Variants in THAP4 observed in about 807,000 individuals in gnomAD.
The protein encoded by THAP4 is THAP domain containing 4.
In THAP4, 18 loss-of-function variants were observed where a neutral mutation model predicts 48.1. That is an observed-to-expected ratio of 0.37 (90% CI 0.26 to 0.56). The LOEUF is 0.56. Ranked by LOEUF, THAP4 falls within the 20% of genes least tolerant of loss-of-function variation. THAP4 has a pLI of 0.78. For synonymous variants in THAP4, 345 were observed against 324.9 expected (o/e 1.06, Z -0.66); for missense variants, 656 against 774.9 (o/e 0.85, Z 1.82).
intron 2 of THAP4, among the ~76,000 whole-genome samples, chr2:241,628,925 CAAAAAAAAAA>C: frequency 1.6e-5 from 1 of 64,340 alleles, no homozygotes; most frequent in African/African-American, 6.1e-5. Flanking sequence ...GAGATTGTCT[CAAAAAAAAAA>C]AAAAAAAAAA....
intron 2 of THAP4, among the ~76,000 whole-genome samples, chr2:241,619,703 CGGTGAGTGAAG>C (rs1423451001): frequency 1.4e-5 from 2 of 141,828 alleles, no homozygotes; most frequent in African/African-American, 5.3e-5. Context: ...GTGAGTGAGT[CGGTGAGTGAAG>C]GGTGAGTGAG....
At chr2:241,603,405 C>T (rs1479732333) in intron 3 of THAP4, among the ~76,000 whole-genome samples, 1 of 138,212 alleles carries the variant, frequency 7.2e-6, no homozygotes. Flanking sequence ...CACACCTGCC[C>T]GCCCCCTCCA....
chr2:241,593,033 A>G (rs1251369294), intron 5 of THAP4, among the ~76,000 whole-genome samples: 13 of 152,164 alleles, frequency 8.5e-5, no homozygotes, highest in Non-Finnish European at 5.9e-5. Flanking sequence ...ACTTGAGGCC[A>G]TGAGTTTGAG....
chr2:241,595,967 C>T (rs2067041675), intron 5 of THAP4, among the ~76,000 whole-genome samples: 1 of 152,196 alleles, frequency 6.6e-6, no homozygotes, highest in South Asian at 2.1e-4. Flanking sequence ...TGGAGCGCGT[C>T]CCGTGGGCTG....
At chr2:241,594,501 T>A (rs2067024863) in intron 5 of THAP4, 2 of 239,770 alleles carry the variant, frequency 8.3e-6, no homozygotes, top group South Asian at 1.0e-4. Flanking sequence ...CAGGTGGGTA[T>A]ACTGCTTGAG....
At chr2:241,614,653 A>C (rs1230944259) in intron 2 of THAP4, among the ~76,000 whole-genome samples, 1 of 152,164 alleles carries the variant, frequency 6.6e-6, no homozygotes, top group Non-Finnish European at 1.5e-5. Flanking sequence ...TGGGAGGCTG[A>C]AGTGGGTGGA....
At chr2:241,588,127 A>G (rs937111969) in intron 5 of THAP4, among the ~76,000 whole-genome samples, 7 of 152,220 alleles carry the variant, frequency 4.6e-5, no homozygotes, top group African/African-American at 1.4e-4. Context: ...ATACGAGATC[A>G]ATATACAACA....
chr2:241,607,572 A>G (rs1453144131), intron 2 of THAP4, among the ~76,000 whole-genome samples: 2 of 151,516 alleles, frequency 1.3e-5, no homozygotes, highest in African/African-American at 4.9e-5. Flanking sequence ...CAGGAGCAGC[A>G]GCAGGGACAG....
At chr2:241,606,775 G>A (rs956311057) in intron 2 of THAP4, among the ~76,000 whole-genome samples, 1 of 152,176 alleles carries the variant, frequency 6.6e-6, no homozygotes, top group African/African-American at 2.4e-5. Flanking sequence ...CCTGTGGGGT[G>A]CAGGTGGTGG....
intron 2 of THAP4, among the ~76,000 whole-genome samples, chr2:241,622,418 A>G (rs2067440440): frequency 6.6e-6 from 1 of 152,146 alleles, no homozygotes; most frequent in Non-Finnish European, 1.5e-5. Context: ...ATAAAAACAG[A>G]GAATTCACTG....
At chr2:241,584,908 C>A (rs2066874142) in intron 5 of THAP4, 183 bp from the exon 6 acceptor site, 1 of 699,138 alleles carries the variant, frequency 1.4e-6, no homozygotes, top group East Asian at 2.5e-5. Flanking sequence ...TGCCCTTCAG[C>A]TGCCTCCAGA....
rs1391758355 is a variant in THAP4, at chr2:241,602,016, G to A, written c.1511-17C>T. 2 of 1,608,276 alleles carry A rather than the reference G, an allele frequency of 1.2e-6. No homozygotes were observed. The highest frequency in any genetic ancestry group is 1.1e-5 in the South Asian group (1 of 90,756). ...CCACCACGCCTGCAAGGGAAGGGCA[G>A]TCAGCTCACCCAGCAGCTGCTCGGC... On this transcript the variant is annotated splice_polypyrimidine_tract_variant and intron_variant, in intron 4 of 5. Transcript: ENST00000407315.
chr2:241,634,651 CT>C (rs1440411094), intron 1 of THAP4, among the ~76,000 whole-genome samples: 2 of 152,210 alleles, frequency 1.3e-5, no homozygotes, highest in Admixed American at 6.5e-5. Context: ...AAAAATGCTC[CT>C]TTTAAAAGTC....
At chr2:241,628,294 G>A (rs1346535178) in intron 2 of THAP4, among the ~76,000 whole-genome samples, 1 of 151,144 alleles carries the variant, frequency 6.6e-6, no homozygotes, top group South Asian at 2.1e-4. Flanking sequence ...AACCACACTC[G>A]ACCCCCCAAG....
At chr2:241,609,534 C>G (rs1443223691) in intron 2 of THAP4, among the ~76,000 whole-genome samples, 1 of 152,192 alleles carries the variant, frequency 6.6e-6, no homozygotes, top group Non-Finnish European at 1.5e-5. Flanking sequence ...AACCTGTAAT[C>G]CCAGCACTTT....
intron 2 of THAP4, among the ~76,000 whole-genome samples, chr2:241,607,454 G>A (rs948607904): frequency 5.3e-5 from 8 of 151,850 alleles, no homozygotes; most frequent in African/African-American, 1.5e-4. Context: ...CATCAGGGGC[G>A]CTGGAAGAGA....
intron 3 of THAP4, among the ~76,000 whole-genome samples, chr2:241,604,447 C>T (rs907993361): frequency 2.6e-5 from 4 of 152,064 alleles, no homozygotes; most frequent in Non-Finnish European, 5.9e-5. Flanking sequence ...GACCAGGTTT[C>T]TCCATGTTGG....
chr2:241,608,047 G>T (rs1291356653), intron 2 of THAP4, among the ~76,000 whole-genome samples: 2 of 152,022 alleles, frequency 1.3e-5, no homozygotes, highest in Non-Finnish European at 2.9e-5. Context: ...ACGGGGACAG[G>T]AGTTCTTGGA....
intron 2 of THAP4, among the ~76,000 whole-genome samples, chr2:241,613,751 T>C (rs1257548074): frequency 6.6e-6 from 1 of 151,804 alleles, no homozygotes; most frequent in Non-Finnish European, 1.5e-5. Context: ...CGAGACCCTG[T>C]CTCAGAAACA....
Sources: allele counts gnomAD v4.1 joint callset (sites outside exome capture counted in the v4.1 genomes callset), GRCh38; gene constraint gnomAD v4.1.1; transcripts MANE v1.5; gene names NCBI Gene and HGNC (gene_info 2026-07-23, HGNC 2026-07-21).